Variants in STOX2 observed in about 807,000 individuals in gnomAD.
The protein encoded by STOX2 is storkhead box 2, also known as storkhead-box protein 2.
Under a neutral mutation model 60.9 loss-of-function variants are expected in STOX2, and 28 were observed. The ratio of observed to expected loss-of-function variants is 0.46; its 90% CI spans 0.34 to 0.63. STOX2 has a LOEUF of 0.63. STOX2 is among the 30% of genes least tolerant of loss of function. The pLI is 0.01. For missense variants in STOX2, 1,024 were observed against 1,187.7 expected (o/e 0.86, Z 2.03); for synonymous variants, 472 against 463.9 (o/e 1.02, Z -0.22).
intron 1 of STOX2, among the ~76,000 whole-genome samples, chr4:183,939,002 CCA>C (rs1408662446): frequency 5.3e-5 from 8 of 152,236 alleles, no homozygotes; most frequent in African/African-American, 1.9e-4. Context: ...TAAAATCTAT[CCA>C]AAGAGTCAGC....
chr4:183,869,727 T>G (rs949256687), intron 1 of STOX2, among the ~76,000 whole-genome samples: 1 of 152,256 alleles, frequency 6.6e-6, no homozygotes, highest in African/African-American at 2.4e-5. Context: ...TGTGAGATTC[T>G]GTAACTGTGT....
At chr4:183,870,365 A>G (rs1432684771) in intron 1 of STOX2, among the ~76,000 whole-genome samples, 2 of 152,228 alleles carry the variant, frequency 1.3e-5, no homozygotes, top group Non-Finnish European at 2.9e-5. Flanking sequence ...ATTTCTTTCT[A>G]GGTCGTCAAA....
At chr4:183,954,330 C>G (rs969856398) in intron 1 of STOX2, among the ~76,000 whole-genome samples, 5 of 151,420 alleles carry the variant, frequency 3.3e-5, no homozygotes, top group African/African-American at 1.2e-4. Flanking sequence ...ACTCTGTCAC[C>G]CAGGCTGGAG....
At chr4:183,820,020 A>C (rs1469250285) in intron 1 of STOX2, among the ~76,000 whole-genome samples, 1 of 152,244 alleles carries the variant, frequency 6.6e-6, no homozygotes, top group Non-Finnish European at 1.5e-5. Flanking sequence ...ATATTAGTTC[A>C]TAGTTCTTCT....
intron 1 of STOX2, among the ~76,000 whole-genome samples, chr4:183,883,846 G>A (rs2111175087): frequency 7.3e-6 from 1 of 137,246 alleles, no homozygotes; most frequent in African/African-American, 2.6e-5. Flanking sequence ...ACCAAAACTA[G>A]TAAATTTTAT....
intron 1 of STOX2, among the ~76,000 whole-genome samples, chr4:183,959,826 A>G (rs1257604758): frequency 6.6e-6 from 1 of 152,120 alleles, no homozygotes; most frequent in Non-Finnish European, 1.5e-5. Context: ...TTTGCTGCGG[A>G]GTAGGTTTAG....
intron 2 of STOX2, among the ~76,000 whole-genome samples, chr4:184,007,002 C>T (rs1400389901): frequency 1.1e-4 from 11 of 99,532 alleles, no homozygotes; most frequent in Admixed American, 4.6e-4. Context: ...GGCGACAGAG[C>T]GAGACTCTGT....
chr4:183,906,527 T>G lies in STOX2; in HGVS notation c.-264T>G. The stretch of plus-strand genomic sequence containing the variant: ...CCTAACGTGCCTTTCCCCCCAGGAA[T>G]CTGGAAGCTATAAGCCGGGCGGATT... On this transcript the variant is annotated 5_prime_UTR_variant, in exon 1 of 4. Transcript: ENST00000308497. 6.2e-6 allele frequency: 1 copy of G among 162,400 alleles called. No individual in the cohort carries two copies. Among genetic ancestry groups the G allele is most frequent in the Non-Finnish European group, 1.3e-5 (1 of 79,680 alleles). 10.1% of individuals were successfully genotyped at this position (162,400 alleles called of 1,614,324 possible).
intron 1 of STOX2, among the ~76,000 whole-genome samples, chr4:183,956,439 C>CATCTATCTATCTATCT (rs35378121): frequency 7.7e-4 from 113 of 145,994 alleles, no homozygotes; most frequent in African/African-American, 1.1e-3. Context: ...TTCTATCATT[C>CATCTATCTATCTATCT]ATCTATCTAT....
intron 1 of STOX2, among the ~76,000 whole-genome samples, chr4:183,860,449 A>AAC (rs1553968693): frequency 1.3e-5 from 2 of 149,666 alleles, no homozygotes; most frequent in African/African-American, 4.9e-5. Context: ...AAACAAAAAA[A>AAC]AAAAAAAAAG....
chr4:183,862,810 C>T (rs1032053427), intron 1 of STOX2, among the ~76,000 whole-genome samples: 5 of 152,310 alleles, frequency 3.3e-5, no homozygotes, highest in Middle Eastern at 3.4e-3. Context: ...CTCTCTCTAA[C>T]GGTGCCCTGT....
intron 1 of STOX2, among the ~76,000 whole-genome samples, chr4:183,945,336 C>T (rs1269951281): frequency 2.0e-5 from 3 of 151,978 alleles, no homozygotes; most frequent in Non-Finnish European, 4.4e-5. Flanking sequence ...GGGTACACAG[C>T]GGAGAGAGAG....
intron 1 of STOX2, among the ~76,000 whole-genome samples, chr4:183,953,762 C>T (rs1489979438): frequency 6.6e-6 from 1 of 151,944 alleles, no homozygotes. Context: ...GACGGGATTT[C>T]ACCATGTTGC....
At chr4:183,875,010 A>C (rs1350880933) in intron 1 of STOX2, among the ~76,000 whole-genome samples, 1 of 119,358 alleles carries the variant, frequency 8.4e-6, no homozygotes, top group African/African-American at 3.1e-5. Flanking sequence ...AGAATTTTGC[A>C]GTGTGAATTA....
At chr4:183,983,852 A>G (rs1456687397) in intron 1 of STOX2, among the ~76,000 whole-genome samples, 1 of 152,212 alleles carries the variant, frequency 6.6e-6, no homozygotes, top group Non-Finnish European at 1.5e-5. Flanking sequence ...TGGTGCAATC[A>G]TAGCTCACTG....
At chr4:183,989,647 G>C (rs571855048) in intron 1 of STOX2, among the ~76,000 whole-genome samples, 4 of 152,260 alleles carry the variant, frequency 2.6e-5, no homozygotes, top group African/African-American at 9.6e-5. Flanking sequence ...TCATATTGAG[G>C]CTGCTGTTAA....
chr4:183,904,527 C>T, upstream of STOX2, among the ~76,000 whole-genome samples: 1 of 152,156 alleles, frequency 6.6e-6, no homozygotes, highest in Non-Finnish European at 1.5e-5. Context: ...ACTAGAAGTG[C>T]CTTTCCCAAT....
At position 183,806,296 on chromosome 4, in the gene STOX2, C is replaced by T. The variant is rs1738887095; in HGVS notation, c.364+8241C>T. Among the ~76,000 whole-genome samples, 1 of 152,170 alleles carries T rather than the reference C, an allele frequency of 6.6e-6. No individual in the cohort carries two copies. The highest frequency in any genetic ancestry group is 1.5e-5 in the Non-Finnish European group (1 of 68,030). ...TAAGCAGGATGTCACCTCCCCACTC[C>T]CCAATAACGTACGTTTGGGAAGCAC... is the stretch of plus-strand genomic sequence containing the variant. On this transcript the variant is annotated intron_variant, in intron 1 of 2. Transcript: ENST00000513034. This position sits in a 1 kb window ranked among gnomAD's most constrained non-coding sequence, Gnocchi z 4.1.
intron 1 of STOX2, among the ~76,000 whole-genome samples, chr4:183,948,486 T>C (rs945907404): frequency 3.8e-4 from 1 of 2,648 alleles, no homozygotes; most frequent in African/African-American, 6.4e-4. Context: ...CTCTTGGGGC[T>C]CTTTCTCTAA....
Sources: allele counts gnomAD v4.1 joint callset (sites outside exome capture counted in the v4.1 genomes callset), GRCh38; gene constraint gnomAD v4.1.1; non-coding constraint Gnocchi (gnomAD v3.1); transcripts MANE v1.5; gene names NCBI Gene and HGNC (gene_info 2026-07-23, HGNC 2026-07-21).